DLG2: variants seen among roughly 807,000 people sequenced by gnomAD.
DLG2 encodes the protein discs large MAGUK scaffold protein 2, also known as disks large homolog 2.
In DLG2, 45 loss-of-function variants were observed where a neutral mutation model predicts 132.5. The observed-to-expected ratio is 0.34, with a 90% CI of 0.27 to 0.44. The LOEUF (loss-of-function observed/expected upper bound fraction) is 0.44, where lower values mean the gene tolerates loss of function less well. Ranked by LOEUF, DLG2 falls within the 20% of genes least tolerant of loss-of-function variation. DLG2 has a pLI of 1.00. For synonymous variants in DLG2, 424 were observed against 419.6 expected (o/e 1.01, Z -0.13); for missense variants, 1,045 against 1,196.9 (o/e 0.87, Z 1.87).
chr11:85,415,195 C>A (rs903499444), intron 3 of DLG2, among the ~76,000 whole-genome samples: 1 of 151,992 alleles, frequency 6.6e-6, no homozygotes, highest in Non-Finnish European at 1.5e-5. Context: ...TGAACTCATC[C>A]TTTTTATGGC....
chr11:84,784,129 C>G (rs2072354595), intron 6 of DLG2, among the ~76,000 whole-genome samples: 1 of 106,622 alleles, frequency 9.4e-6, no homozygotes, highest in Admixed American at 1.3e-4. Context: ...GAAACCCCAT[C>G]TCTACTAAAA....
chr11:85,157,159 C>T (rs549100535), intron 4 of DLG2, among the ~76,000 whole-genome samples: 59 of 152,192 alleles, frequency 3.9e-4, no homozygotes, highest in Admixed American at 3.1e-3. Flanking sequence ...TGCCCTTGAA[C>T]ATTGGACTCC....
At chr11:84,247,828 A>G (rs565019567) in intron 8 of DLG2, among the ~76,000 whole-genome samples, 1 of 152,316 alleles carries the variant, frequency 6.6e-6, no homozygotes, top group African/African-American at 2.4e-5. Context: ...CACAAGAACC[A>G]TTTCTATCAA....
At chr11:84,327,626 A>G (rs1444372892) in intron 7 of DLG2, among the ~76,000 whole-genome samples, 1 of 152,116 alleles carries the variant, frequency 6.6e-6, no homozygotes, top group Non-Finnish European at 1.5e-5. Flanking sequence ...AGCTTACATA[A>G]GACATCTTGC....
chr11:84,817,853 T>C (rs1292715270), intron 6 of DLG2, among the ~76,000 whole-genome samples: 1 of 151,828 alleles, frequency 6.6e-6, no homozygotes, highest in African/African-American at 2.4e-5. Context: ...AAGGGTTGGG[T>C]GCTAATACAA....
intron 6 of DLG2, among the ~76,000 whole-genome samples, chr11:85,064,847 T>C (rs528012331): frequency 6.6e-6 from 1 of 151,636 alleles, no homozygotes; most frequent in African/African-American, 2.4e-5. Context: ...GATTATAACA[T>C]ACAAATTCTG....
At chr11:85,540,835 T>C (rs2075916185) in intron 3 of DLG2, among the ~76,000 whole-genome samples, 1 of 152,220 alleles carries the variant, frequency 6.6e-6, no homozygotes, top group Non-Finnish European at 1.5e-5. Context: ...CCCTAGGGGT[T>C]TGAGCAGCCA....
chr11:83,657,608 G>T (rs926236637), intron 18 of DLG2, among the ~76,000 whole-genome samples: 3 of 134,064 alleles, frequency 2.2e-5, no homozygotes, highest in Non-Finnish European at 1.5e-5. Flanking sequence ...GCGCGATCTC[G>T]GCTCACTGCA....
At chr11:85,096,729 C>T (rs1269397074) in intron 6 of DLG2, among the ~76,000 whole-genome samples, 1 of 152,128 alleles carries the variant, frequency 6.6e-6, no homozygotes, top group East Asian at 1.9e-4. Context: ...TATCACCAAG[C>T]GATGAGTACC....
rs11233752 is a variant in DLG2 at position 83,818,158 on chromosome 11, G to A, written c.1722+15456C>T. The stretch of plus-strand genomic sequence containing the variant: ...TCCTGGGAGCTATTTGCTTTTCCTA[G>A]CCTAGCCCAGTGCTTAAACTCCTCA... On this transcript the variant is annotated intron_variant, in intron 17 of 27. Transcript: ENST00000376104. Among the ~76,000 whole-genome samples, 573 of 152,210 alleles carry A rather than the reference G, an allele frequency of 3.8e-3. 3 individuals are homozygous for A. Among genetic ancestry groups the A allele is most frequent in the Non-Finnish European group, 6.8e-3 (459 of 67,994 alleles).
intron 7 of DLG2, among the ~76,000 whole-genome samples, chr11:84,449,956 T>G (rs887097624): frequency 6.6e-6 from 1 of 151,920 alleles, no homozygotes; most frequent in Non-Finnish European, 1.5e-5. Flanking sequence ...AAAATTAAAG[T>G]ATAAGTATGT....
In DLG2 at chr11:84,168,740, C is replaced by T. The variant is rs75085126; in HGVS notation, c.574-5229G>A. Among the ~76,000 whole-genome samples, 1,473 of 152,192 alleles carry T rather than the reference C, an allele frequency of 9.7e-3. 25 individuals carry two copies. The highest frequency in any genetic ancestry group is 0.033 in the African/African-American group (1,384 of 41,546). On this transcript the variant is annotated intron_variant, in intron 8 of 27. Transcript: ENST00000376104. ...CCATTCCTTGTTTATTTATCCTCAT[C>T]TCTGAGCTTGGCTCCTCTCAGAAGC...
At chr11:85,126,965 A>G (rs1048023540) in intron 5 of DLG2, among the ~76,000 whole-genome samples, 1 of 152,172 alleles carries the variant, frequency 6.6e-6, no homozygotes, top group Non-Finnish European at 1.5e-5. Flanking sequence ...AGAATGGGCA[A>G]CACAGGTTGT....
chr11:83,709,740 C>T (rs2084943592), intron 18 of DLG2, among the ~76,000 whole-genome samples: 1 of 152,172 alleles, frequency 6.6e-6, no homozygotes, highest in African/African-American at 2.4e-5. Context: ...TCTTCAGAAG[C>T]AGAACTTGAT....
chr11:83,882,571 T>C (rs765840935), intron 15 of DLG2, among the ~76,000 whole-genome samples: 74 of 152,214 alleles, frequency 4.9e-4, no homozygotes, highest in Non-Finnish European at 7.2e-4. Context: ...AAAAAATAAA[T>C]TGGATATGCT....
intron 5 of DLG2, among the ~76,000 whole-genome samples, chr11:85,149,384 T>C (rs1239272878): frequency 6.6e-6 from 1 of 152,240 alleles, no homozygotes; most frequent in Admixed American, 6.5e-5. Flanking sequence ...TCCATGAGGA[T>C]GGAATGTATA....
intron 10 of DLG2, among the ~76,000 whole-genome samples, chr11:84,079,769 C>G (rs1372944087): frequency 6.6e-6 from 1 of 152,198 alleles, no homozygotes; most frequent in African/African-American, 2.4e-5. Flanking sequence ...AAGGCTCTCT[C>G]TCCCTGATTT....
chr11:84,844,003 T>C (rs543935090), intron 6 of DLG2, among the ~76,000 whole-genome samples: 189 of 149,490 alleles, frequency 1.3e-3, no homozygotes, highest in African/African-American at 4.4e-3. Context: ...GTGATATATA[T>C]ATTATGTTCC....
chr11:84,233,085 T>G (rs2097114241), intron 8 of DLG2, among the ~76,000 whole-genome samples: 1 of 152,150 alleles, frequency 6.6e-6, no homozygotes, highest in African/African-American at 2.4e-5. Flanking sequence ...TCCACAATTT[T>G]GAGAACTAAT....
Sources: gnomAD v4.1 joint callset for allele counts (sites outside exome capture counted in the v4.1 genomes callset) on GRCh38, gnomAD v4.1.1 for gene constraint, MANE v1.5 for transcripts, NCBI Gene and HGNC (gene_info 2026-07-23, HGNC 2026-07-21) for gene names.